Variants in PRKN observed in about 807,000 individuals in gnomAD.
PRKN encodes E3 ubiquitin-protein ligase parkin.
PRKN carries 56 observed loss-of-function variants against 59.5 expected under a neutral mutation model. That is an observed-to-expected ratio of 0.94 (90% CI 0.76 to 1.18). PRKN has a LOEUF of 1.18. Ranked by LOEUF, PRKN falls within the 50% of genes most tolerant of loss-of-function variation. The pLI, the probability that PRKN is intolerant of heterozygous loss-of-function variation, is 0.00. For missense variants in PRKN, 657 were observed against 596.4 expected, an observed-to-expected ratio of 1.10 and a Z score of -1.06; for synonymous variants, 250 against 222.1, an observed-to-expected ratio of 1.13 and a Z score of -1.12.
intron 2 of PRKN, among the ~76,000 whole-genome samples, chr6:162,375,572 C>CA (rs922812222): frequency 2.6e-5 from 4 of 151,866 alleles, no homozygotes; most frequent in African/African-American, 4.8e-5. Flanking sequence ...AATGTTCACC[C>CA]AGTTAAGTAT....
At chr6:162,055,177 A>T (rs1173161902) in intron 4 of PRKN, among the ~76,000 whole-genome samples, 1 of 152,126 alleles carries the variant, frequency 6.6e-6, no homozygotes, top group Admixed American at 6.5e-5. Flanking sequence ...ACAAACAAAT[A>T]AAGAAACAAA....
At chr6:162,443,970 T>A in intron 1 of PRKN, among the ~76,000 whole-genome samples, 1 of 152,176 alleles carries the variant, frequency 6.6e-6, no homozygotes. Flanking sequence ...CTCAGAGCCC[T>A]AGACTTGGGT....
At chr6:161,734,918 A>G (rs981710563) in intron 7 of PRKN, among the ~76,000 whole-genome samples, 1 of 152,096 alleles carries the variant, frequency 6.6e-6, no homozygotes, top group African/African-American at 2.4e-5. Flanking sequence ...TATCACCACT[A>G]ATAATTTCCT....
At chr6:161,649,416 GA>G (rs2128161014) in intron 7 of PRKN, among the ~76,000 whole-genome samples, 1 of 152,278 alleles carries the variant, frequency 6.6e-6, no homozygotes, top group African/African-American at 2.4e-5. Context: ...AATATTGAGG[GA>G]TTAATGGTGT....
intron 1 of PRKN, among the ~76,000 whole-genome samples, chr6:162,553,270 T>C (rs977250292): frequency 6.6e-6 from 1 of 152,106 alleles, no homozygotes; most frequent in Non-Finnish European, 1.5e-5. Flanking sequence ...AAGGACGCTT[T>C]TTCTCAAGAA....
intron 3 of PRKN, among the ~76,000 whole-genome samples, chr6:162,222,217 A>C (rs1221804099): frequency 6.6e-6 from 1 of 152,072 alleles, no homozygotes; most frequent in Non-Finnish European, 1.5e-5. Flanking sequence ...AAATGATCAG[A>C]TATCCTCCTA....
At chr6:162,532,224 A>G (rs1283382152) in intron 1 of PRKN, among the ~76,000 whole-genome samples, 1 of 87,430 alleles carries the variant, frequency 1.1e-5, no homozygotes, top group Admixed American at 1.1e-4. Context: ...TTTATGGACT[A>G]TAAAACTAGC....
At chr6:162,402,296 A>G (rs1583509017) in intron 2 of PRKN, among the ~76,000 whole-genome samples, 2 of 152,058 alleles carry the variant, frequency 1.3e-5, no homozygotes, top group Non-Finnish European at 2.9e-5. Context: ...TCCGATAAGC[A>G]GTATTATTCC....
chr6:162,063,608 G>A (rs1394815220), intron 4 of PRKN, among the ~76,000 whole-genome samples: 1 of 125,408 alleles, frequency 8.0e-6, no homozygotes, highest in Non-Finnish European at 1.8e-5. Context: ...GCAGTGGTGC[G>A]ATCTCCGCTC....
At chr6:162,307,117 C>T (rs971577176) in intron 2 of PRKN, among the ~76,000 whole-genome samples, 4 of 152,038 alleles carry the variant, frequency 2.6e-5, no homozygotes, top group Non-Finnish European at 5.9e-5. Context: ...AACCAGCTAG[C>T]GGGATGGTGT....
intron 1 of PRKN, among the ~76,000 whole-genome samples, chr6:162,553,232 A>G (rs1258736488): frequency 6.6e-6 from 1 of 152,134 alleles, no homozygotes; most frequent in East Asian, 1.9e-4. Context: ...GTCCAGCACA[A>G]GTGGAGGCCT....
intron 6 of PRKN, among the ~76,000 whole-genome samples, chr6:161,940,153 C>G (rs1217608245): frequency 6.6e-6 from 1 of 152,148 alleles, no homozygotes; most frequent in Non-Finnish European, 1.5e-5. Flanking sequence ...ACCTTGGCAT[C>G]CCAAAGTGCT....
intron 4 of PRKN, among the ~76,000 whole-genome samples, chr6:162,135,469 C>T (rs1050787536): frequency 6.6e-6 from 1 of 152,156 alleles, no homozygotes; most frequent in Non-Finnish European, 1.5e-5. Flanking sequence ...CTTCATTCAC[C>T]TATTAAGCTG....
intron 2 of PRKN, among the ~76,000 whole-genome samples, chr6:162,266,889 G>C (rs1780164797): frequency 6.6e-6 from 1 of 152,144 alleles, no homozygotes; most frequent in African/African-American, 2.4e-5. Context: ...GCACACTTCT[G>C]TTTGGAAAAT....
chr6:162,317,307 A>G (rs1187959680), intron 2 of PRKN, among the ~76,000 whole-genome samples: 2 of 152,038 alleles, frequency 1.3e-5, no homozygotes, highest in African/African-American at 4.8e-5. Context: ...ATAAGTCTCA[A>G]GAGATACGAC....
chr6:162,236,299 A>T (rs557426430), intron 3 of PRKN, among the ~76,000 whole-genome samples: 8 of 152,312 alleles, frequency 5.3e-5, no homozygotes, highest in African/African-American at 1.9e-4. Context: ...TGAATCAGAA[A>T]TGCTTATTGG....
chr6:162,503,969 G>A (rs1175872004), intron 1 of PRKN, among the ~76,000 whole-genome samples: 1 of 152,218 alleles, frequency 6.6e-6, no homozygotes. Context: ...AATTTTTTAA[G>A]AAGCAGAGAA....
chr6:162,124,823 C>A (rs1317367478), intron 4 of PRKN, among the ~76,000 whole-genome samples: 12 of 152,096 alleles, frequency 7.9e-5, no homozygotes, highest in African/African-American at 2.7e-4. Flanking sequence ...AAGTAACCTT[C>A]GGGACCATCC....
intron 9 of PRKN, among the ~76,000 whole-genome samples, chr6:161,424,091 C>T (rs564300484): frequency 6.6e-6 from 1 of 152,060 alleles, no homozygotes; most frequent in Non-Finnish European, 1.5e-5. Context: ...AATCCCAGCA[C>T]TTTCGGAGGC....
Sources: allele counts gnomAD v4.1 joint callset (sites outside exome capture counted in the v4.1 genomes callset), GRCh38; gene constraint gnomAD v4.1.1; transcripts MANE v1.5; gene names NCBI Gene and HGNC (gene_info 2026-07-23, HGNC 2026-07-21).